Variants in GDA observed in about 807,000 individuals in gnomAD.
GDA encodes guanine deaminase, also known as cytoplasmic PSD-95 interactor.
Under a neutral mutation model 59.6 loss-of-function variants are expected in GDA, and 18 were observed. The ratio of observed to expected loss-of-function variants is 0.30; its 90% CI spans 0.21 to 0.45. The LOEUF is 0.45. GDA is among the 20% of genes least tolerant of loss of function. The probability of loss-of-function intolerance (pLI) is 1.00; values close to 1 mark genes in which losing one functional copy is unlikely to be tolerated. For missense variants in GDA, 427 were observed against 552.3 expected (o/e 0.77, Z 2.27); for synonymous variants, 201 against 201.1 (o/e 1.00, Z 0.00).
rs547672729 is a variant in GDA, at chr9:72,219,419, T to C, written c.579-60T>C. On this transcript the variant is annotated intron_variant, in intron 5 of 13. Transcript: ENST00000358399. ...CTCTGTCTGAAGAAAAAAATAATAA[T>C]AAAGAAAAGAAAAAAAGAAAATGCT... The C allele has an allele frequency of 5.6e-6, 7 of 1,249,154 alleles. No homozygotes were observed. The East Asian group carries it at 1.7e-4, about 30-fold the overall frequency. 77.4% of individuals were successfully genotyped at this position (1,249,154 alleles called of 1,614,324 possible). A position where few individuals can be genotyped will look rare whatever the true frequency, so the allele number is the denominator to read the frequency against.
intron 3 of GDA, among the ~76,000 whole-genome samples, chr9:72,204,692 G>A (rs1038642000): frequency 1.3e-5 from 2 of 152,164 alleles, no homozygotes; most frequent in African/African-American, 4.8e-5. Context: ...CTATCAAGAA[G>A]TCCAGATAGA....
At chr9:72,253,100 CT>C (rs1348256619), downstream of GDA, 4 of 152,190 alleles carry the variant, frequency 2.6e-5, no homozygotes, top group South Asian at 8.3e-4. Context: ...ATTATATATT[CT>C]TTTTTTATTT....
At chr9:72,151,888 C>G (rs947675348) in intron 1 of GDA, among the ~76,000 whole-genome samples, 1 of 152,164 alleles carries the variant, frequency 6.6e-6, no homozygotes, top group Non-Finnish European at 1.5e-5. Flanking sequence ...CAGGCGTGAG[C>G]CACCGCGCCG....
chr9:72,163,142 A>C (rs1322503025), intron 1 of GDA, among the ~76,000 whole-genome samples: 1 of 152,146 alleles, frequency 6.6e-6, no homozygotes, highest in African/African-American at 2.4e-5. Flanking sequence ...GAAGGAGGTA[A>C]ATCAATGGGA....
chr9:72,186,358 C>G (rs2131147597), intron 1 of GDA, among the ~76,000 whole-genome samples: 1 of 152,244 alleles, frequency 6.6e-6, no homozygotes, highest in East Asian at 1.9e-4. Context: ...AAGCACACTC[C>G]CATTTTGGGG....
At chr9:72,206,411 T>C (rs949486945) in intron 3 of GDA, among the ~76,000 whole-genome samples, 2 of 152,212 alleles carry the variant, frequency 1.3e-5, no homozygotes, top group Non-Finnish European at 2.9e-5. Context: ...AATATTTAAC[T>C]TTTAAGTTTA....
intron 10 of GDA, among the ~76,000 whole-genome samples, chr9:72,234,417 A>G (rs1838727059): frequency 6.6e-6 from 1 of 152,242 alleles, no homozygotes; most frequent in African/African-American, 2.4e-5. Context: ...TATTTTAGTT[A>G]TACCTCAGTT....
intron 3 of GDA, among the ~76,000 whole-genome samples, chr9:72,204,276 C>T (rs1834392045): frequency 6.6e-6 from 1 of 152,088 alleles, no homozygotes; most frequent in African/African-American, 2.4e-5. Context: ...ATGGTGTTAA[C>T]CACACCAAAT....
At chr9:72,127,308 TAAAC>T (rs1825879487) in intron 1 of GDA, among the ~76,000 whole-genome samples, 2 of 151,866 alleles carry the variant, frequency 1.3e-5, no homozygotes, top group Non-Finnish European at 2.9e-5. Flanking sequence ...AAGAAACAAA[TAAAC>T]AAACCAAAAC....
At chr9:72,242,037 T>C (rs979813195) in intron 11 of GDA, among the ~76,000 whole-genome samples, 1 of 152,218 alleles carries the variant, frequency 6.6e-6, no homozygotes, top group African/African-American at 2.4e-5. Flanking sequence ...CCACATACTT[T>C]ATATGTGTTG....
chr9:72,188,381 C>T (rs890945974), intron 1 of GDA, among the ~76,000 whole-genome samples: 3 of 152,220 alleles, frequency 2.0e-5, no homozygotes, highest in Non-Finnish European at 4.4e-5. Context: ...GACCTCACAT[C>T]TCTGCTTCCT....
chr9:72,120,844 C>G (rs12351744), intron 1 of GDA, among the ~76,000 whole-genome samples: 3 of 152,020 alleles, frequency 2.0e-5, no homozygotes, highest in African/African-American at 7.3e-5. Flanking sequence ...CAGAAGGCAG[C>G]AGGCAGAAAA....
chr9:72,256,814 A>G (rs144460375), downstream of GDA, among the ~76,000 whole-genome samples: 757 of 152,266 alleles, frequency 5.0e-3, 2 homozygotes, highest in Non-Finnish European at 7.9e-3. Context: ...ATACCTTGGT[A>G]TGGTCAGGCA....
intron 1 of GDA, among the ~76,000 whole-genome samples, chr9:72,184,741 C>T (rs1831660384): frequency 6.6e-6 from 1 of 152,170 alleles, no homozygotes; most frequent in African/African-American, 2.4e-5. Context: ...TGATCAGTCC[C>T]TGACGTTAAA....
intron 1 of GDA, among the ~76,000 whole-genome samples, chr9:72,186,667 T>G (rs1831895047): frequency 6.6e-6 from 1 of 152,226 alleles, no homozygotes; most frequent in South Asian, 2.1e-4. Flanking sequence ...AATACTTGAT[T>G]TGTGAATTAA....
At chr9:72,175,888 G>A (rs371827180) in intron 1 of GDA, among the ~76,000 whole-genome samples, 5 of 152,224 alleles carry the variant, frequency 3.3e-5, no homozygotes, top group African/African-American at 1.2e-4. Flanking sequence ...AGCTGTGTGA[G>A]AAGGCTTCTT....
At chr9:72,151,616 GT>G (rs1002933807) in intron 1 of GDA, among the ~76,000 whole-genome samples, 3 of 147,772 alleles carry the variant, frequency 2.0e-5, no homozygotes, top group African/African-American at 5.0e-5. Context: ...TTTTTTGTTT[GT>G]TTTTTTTTGA....
chr9:72,161,649 T>A (rs79113518), intron 1 of GDA, among the ~76,000 whole-genome samples: 3 of 152,196 alleles, frequency 2.0e-5, no homozygotes, highest in Non-Finnish European at 4.4e-5. Flanking sequence ...TGGTTTTGTA[T>A]TATGGTTTAT....
intron 11 of GDA, among the ~76,000 whole-genome samples, chr9:72,243,091 T>C (rs935958102): frequency 6.6e-6 from 1 of 152,204 alleles, no homozygotes; most frequent in Non-Finnish European, 1.5e-5. Context: ...GTATTTAAAG[T>C]GTGGCATTTT....
Sources: gnomAD v4.1 joint callset for allele counts (sites outside exome capture counted in the v4.1 genomes callset) on GRCh38, gnomAD v4.1.1 for gene constraint, MANE v1.5 for transcripts, NCBI Gene and HGNC (gene_info 2026-07-23, HGNC 2026-07-21) for gene names.